MAP4: variants seen among roughly 807,000 people sequenced by gnomAD.
The protein encoded by MAP4 is microtubule associated protein 4.
MAP4 carries 76 observed loss-of-function variants against 170.2 expected under a neutral mutation model. The observed-to-expected ratio is 0.45, with a 90% CI of 0.37 to 0.54. The LOEUF is 0.54. Among genes scored for constraint, MAP4 ranks in the 20% least tolerant of loss-of-function variants. The pLI, the probability that MAP4 is intolerant of heterozygous loss-of-function variation, is 0.00. For synonymous variants in MAP4, 909 were observed against 994.5 expected, an observed-to-expected ratio of 0.91 and a Z score of 1.62; for missense variants, 2,506 against 2,748.0, an observed-to-expected ratio of 0.91 and a Z score of 1.97.
rs187059233 is a variant in MAP4 at position 47,911,747 on chromosome 3, C to T, written c.2674G>A (p.Asp892Asn). Residue 892 changes from aspartate to asparagine, a missense_variant, in exon 9 of 21, where the codon GAC (aspartate) becomes AAC (asparagine). By Grantham distance (23) the Asp-to-Asn change is conservative. Coordinates refer to ENST00000683076, the MANE Select transcript of MAP4 (RefSeq NM_001385682.1). This position sits in a 1 kb window ranked among gnomAD's most constrained non-coding sequence, Gnocchi z 4.0. ...TCATGTTGCTTCAGCAATTTCTTGTCTTGGTTTTGTAGTACTGACTTGTTA... is the reference window on the plus strand; with the variant it reads ...TCATGTTGCTTCAGCAATTTCTTGTTTTGGTTTTGTAGTACTGACTTGTTA... Reference protein sequence around the residue: ...KSNKSVLQNQDKKLLKQHEYK... With the variant: ...KSNKSVLQNQNKKLLKQHEYK... 290 of 1,536,092 alleles carry T rather than the reference C, an allele frequency of 1.9e-4. 1 individual carries two copies. In the East Asian group the frequency reaches 6.7e-3, roughly 35 times the overall value.
chr3:48,010,713 A>G (rs1251340429), intron 1 of MAP4, among the ~76,000 whole-genome samples: 1 of 152,096 alleles, frequency 6.6e-6, no homozygotes, highest in Non-Finnish European at 1.5e-5. Context: ...TTAACATTTG[A>G]GTCAGTGGGC....
intron 1 of MAP4, among the ~76,000 whole-genome samples, chr3:48,084,638 C>T (rs1418794218): frequency 1.3e-5 from 2 of 150,522 alleles, no homozygotes; most frequent in African/African-American, 4.9e-5. Flanking sequence ...AGTGCAGTGG[C>T]ACAATCATAT....
rs185506726 is a variant in MAP4, at chr3:47,869,701, A to G, written c.6295-374T>C. Among the ~76,000 whole-genome samples, 297 of 152,318 alleles carry G rather than the reference A, an allele frequency of 1.9e-3. 3 individuals are homozygous for G. The highest frequency in any genetic ancestry group is 6.6e-3 in the African/African-American group (274 of 41,568). Reference sequence around the variant, plus strand: ...ATGCCAAATGTCCTGATATGCCCCAAGCAGCTGCCACGGTCACAGGAAGTC... The same window carrying G: ...ATGCCAAATGTCCTGATATGCCCCAGGCAGCTGCCACGGTCACAGGAAGTC... On this transcript the variant is annotated intron_variant, in intron 15 of 20. Transcript: ENST00000683076.
At chr3:47,891,728 G>C (rs1339427257) in intron 10 of MAP4, 1 of 1,536,736 alleles carries the variant, frequency 6.5e-7, no homozygotes, top group East Asian at 2.4e-5. Context: ...GAACACCATA[G>C]TGATTGGCGG....
chr3:47,856,074 C>T (rs1448806158), intron 18 of MAP4, among the ~76,000 whole-genome samples: 3 of 152,198 alleles, frequency 2.0e-5, no homozygotes, highest in African/African-American at 7.2e-5. Flanking sequence ...TCAGAGCTCA[C>T]TGGCCAGAGT....
At chr3:48,008,147 G>A (rs988543605) in intron 1 of MAP4, among the ~76,000 whole-genome samples, 7 of 152,148 alleles carry the variant, frequency 4.6e-5, no homozygotes, top group African/African-American at 9.7e-5. Context: ...TGGTATATAC[G>A]TGATCGGGCT....
rs373302721 is a variant in MAP4 at position 47,987,421 on chromosome 3, G to A, written c.224-9488C>T. 2.0e-4 allele frequency: 312 copies of A among 1,531,320 alleles called. 4 individuals are homozygous for A. The South Asian group carries it at 3.5e-3, about 17-fold the overall frequency. The allele number at this position is 1,531,320 out of a possible 1,614,324, so 94.9% of individuals were successfully genotyped here. On this transcript the variant is annotated intron_variant, in intron 2 of 20. Transcript: ENST00000683076. The stretch of plus-strand genomic sequence containing the variant: ...AAAAGAAAGGCTGGCAGGGTGTGGG[G>A]GTAGTGGGAGGTCTAGAAGGGAAAG...
intron 4 of MAP4, among the ~76,000 whole-genome samples, chr3:47,926,476 G>A (rs907234645): frequency 4.6e-5 from 7 of 151,916 alleles, no homozygotes; most frequent in Admixed American, 3.3e-4. Context: ...GAGCCACCAC[G>A]CCTGGCCTAA....
At chr3:47,903,504 G>A (rs944633250) in intron 9 of MAP4, among the ~76,000 whole-genome samples, 17 of 148,436 alleles carry the variant, frequency 1.1e-4, no homozygotes, top group South Asian at 8.5e-4. Context: ...CTGCACTCTC[G>A]CCTTGGCGAA....
chr3:48,009,566 A>C (rs548720271), intron 1 of MAP4, among the ~76,000 whole-genome samples: 1 of 152,384 alleles, frequency 6.6e-6, no homozygotes, highest in East Asian at 1.9e-4. Flanking sequence ...TTGACAGAAC[A>C]GTGGAATGGC....
At chr3:47,918,694 A>G (rs2100041064) in intron 6 of MAP4, 25 bp downstream of exon 6, 1 of 1,584,988 alleles carries the variant, frequency 6.3e-7, no homozygotes, top group Admixed American at 1.7e-5. Flanking sequence ...CCATTAACTG[A>G]TAAAGGGAGT....
Position 47,939,647 on chromosome 3 carries a change from G to A in MAP4, c.293-11297C>T, listed in dbSNP as rs116647413. 4.1e-3 allele frequency among the ~76,000 whole-genome samples: 620 copies of A among 149,564 alleles called. 6 individuals carry two copies. The highest frequency in any genetic ancestry group is 0.015 in the African/African-American group (593 of 40,866). On this transcript the variant is annotated intron_variant, in intron 3 of 20. Coordinates refer to ENST00000683076, the MANE Select transcript of MAP4 (RefSeq NM_001385682.1). ...ACAATAGCCTATCATTTCTAAGATA[G>A]ACATTAAAAACTCTGATTCTGCTTA...
At chr3:47,896,255 C>T (rs1436858256) in intron 10 of MAP4, among the ~76,000 whole-genome samples, 3 of 152,288 alleles carry the variant, frequency 2.0e-5, no homozygotes, top group Admixed American at 1.3e-4. Flanking sequence ...GAAGGCCGGG[C>T]GCGGTGGCTC....
intron 1 of MAP4, among the ~76,000 whole-genome samples, chr3:48,082,885 C>T (rs1300721375): frequency 6.6e-6 from 1 of 151,230 alleles, no homozygotes; most frequent in South Asian, 2.1e-4. Flanking sequence ...GAAGGGTAAA[C>T]CATCTCTATG....
At chr3:48,080,983 G>A (rs919492950) in intron 1 of MAP4, among the ~76,000 whole-genome samples, 7 of 152,206 alleles carry the variant, frequency 4.6e-5, no homozygotes, top group Non-Finnish European at 8.8e-5. Context: ...AATTAGCCAG[G>A]CGTGGTGGCG....
In MAP4 at chr3:47,877,412, C is replaced by T. The variant is rs779134758; in HGVS notation, c.5541+5G>A. 1 of 1,610,730 alleles carries T rather than the reference C, an allele frequency of 6.2e-7. No individual in the cohort carries two copies. Among genetic ancestry groups the T allele is most frequent in the Non-Finnish European group, 8.5e-7 (1 of 1,177,008 alleles). Reference sequence around the variant, plus strand: ...GTAGAAGATAACCACCATTCTGGCACCTACCTTTGTTTTCTTCTCTGGGCT... The same window carrying T: ...GTAGAAGATAACCACCATTCTGGCATCTACCTTTGTTTTCTTCTCTGGGCT... On this transcript the variant is annotated splice_donor_5th_base_variant and intron_variant, in intron 11 of 20. Transcript: ENST00000683076.
intron 3 of MAP4, chr3:47,975,091 A>G: frequency 9.5e-7 from 1 of 1,056,296 alleles, no homozygotes; most frequent in South Asian, 3.5e-5. Flanking sequence ...AAAAAGGTCA[A>G]CTAAAAATAT....
In MAP4 at chr3:47,909,384, G is replaced by C; in HGVS notation, c.5037C>G (p.Ile1679Met). ...GCAAGGAAACGCTTTCCAATTCCGT[G>C]ATTTTACAAGCCAGACTAATTTCTT... ...KLKEISLACK[I>M]TELESVSLPT... Residue 1679 changes from isoleucine (I) to methionine (M), a missense_variant, in exon 9 of 21, where the codon ATC (isoleucine) becomes ATG (methionine). Physicochemically the swap from Ile to Met is conservative, Grantham distance 10. Coordinates refer to ENST00000683076, the MANE Select transcript of MAP4 (RefSeq NM_001385682.1). 1 of 1,613,872 alleles carries C rather than the reference G, an allele frequency of 6.2e-7. No individual in the cohort carries two copies.
chr3:48,054,345 G>A (rs2100129483), intron 1 of MAP4, among the ~76,000 whole-genome samples: 2 of 151,806 alleles, frequency 1.3e-5, no homozygotes, highest in South Asian at 4.2e-4. Flanking sequence ...GCTGGAGCAG[G>A]CCAGGCACGG....
Sources: allele counts gnomAD v4.1 joint callset (sites outside exome capture counted in the v4.1 genomes callset), GRCh38; gene constraint gnomAD v4.1.1; non-coding constraint Gnocchi (gnomAD v3.1); transcripts MANE v1.5; gene names NCBI Gene and HGNC (gene_info 2026-07-23, HGNC 2026-07-21).